DROSHA: variants seen among roughly 807,000 people sequenced by gnomAD.
DROSHA encodes drosha ribonuclease III.
Under a neutral mutation model 181.9 loss-of-function variants are expected in DROSHA, and 56 were observed. The ratio of observed to expected loss-of-function variants is 0.31; its 90% CI spans 0.25 to 0.38. DROSHA has a LOEUF of 0.38. Ranked by LOEUF, DROSHA falls within the 10% of genes least tolerant of loss-of-function variation. DROSHA has a pLI of 1.00. For synonymous variants in DROSHA, 524 were observed against 591.2 expected (o/e 0.89, Z 1.65); for missense variants, 1,218 against 1,743.5 (o/e 0.70, Z 5.37).
intron 20 of DROSHA, among the ~76,000 whole-genome samples, chr5:31,463,861 G>A (rs891585588): frequency 1.3e-5 from 2 of 152,000 alleles, no homozygotes; most frequent in Admixed American, 6.6e-5. Flanking sequence ...TACACTTTAC[G>A]AGTCTGCTTG....
intron 8 of DROSHA, among the ~76,000 whole-genome samples, chr5:31,513,404 T>C (rs1293264764): frequency 6.6e-6 from 1 of 152,206 alleles, no homozygotes; most frequent in Non-Finnish European, 1.5e-5. Flanking sequence ...CAGGTGTTAT[T>C]ACTCCTAGCA....
intron 35 of DROSHA, among the ~76,000 whole-genome samples, chr5:31,403,757 C>T (rs1449843137): frequency 6.6e-6 from 1 of 152,184 alleles, no homozygotes; most frequent in Non-Finnish European, 1.5e-5. Flanking sequence ...TGGAGAATTG[C>T]GACAGAGATT....
At chr5:31,476,621 A>G (rs1454706018) in intron 16 of DROSHA, among the ~76,000 whole-genome samples, 3 of 152,186 alleles carry the variant, frequency 2.0e-5, no homozygotes, top group Non-Finnish European at 4.4e-5. Context: ...TTACCACTGT[A>G]AAAAAGTAGA....
At chr5:31,433,524 T>C (rs931559531) in intron 25 of DROSHA, among the ~76,000 whole-genome samples, 4 of 152,178 alleles carry the variant, frequency 2.6e-5, no homozygotes, top group Admixed American at 6.5e-5. Context: ...TTCTTATTTT[T>C]CCATGCACGC....
chr5:31,452,426 C>T (rs1040792283), intron 20 of DROSHA, among the ~76,000 whole-genome samples: 9 of 152,152 alleles, frequency 5.9e-5, no homozygotes, highest in African/African-American at 2.2e-4. Context: ...ATTTTTCCTT[C>T]AATCCCTTTT....
At chr5:31,524,458 G>A (rs10520985) in intron 5 of DROSHA, among the ~76,000 whole-genome samples, 58,827 of 152,050 alleles carry the variant, frequency 0.39, 12,822 homozygotes, top group Non-Finnish European at 0.5. Context: ...ACAAGACAAC[G>A]AAGGTAAGTA....
At chr5:31,412,474 C>A (rs1741430845) in intron 30 of DROSHA, among the ~76,000 whole-genome samples, 1 of 152,160 alleles carries the variant, frequency 6.6e-6, no homozygotes, top group Non-Finnish European at 1.5e-5. Context: ...ATGGTGTCAA[C>A]AGAGCTTATG....
chr5:31,486,949 G>A (rs958967920), intron 13 of DROSHA, among the ~76,000 whole-genome samples: 6 of 152,202 alleles, frequency 3.9e-5, no homozygotes, highest in Non-Finnish European at 8.8e-5. Flanking sequence ...ATCAGGGATA[G>A]TAGGGTGATA....
At chr5:31,479,683 G>T (rs561800201) in intron 16 of DROSHA, among the ~76,000 whole-genome samples, 105 of 151,652 alleles carry the variant, frequency 6.9e-4, no homozygotes, top group Non-Finnish European at 1.1e-3. Flanking sequence ...GAAGGTATTA[G>T]ATATATATAT....
At chr5:31,518,326 A>G (rs1269672608) in intron 6 of DROSHA, among the ~76,000 whole-genome samples, 1 of 152,192 alleles carries the variant, frequency 6.6e-6, no homozygotes, top group Admixed American at 6.5e-5. Flanking sequence ...TGTGAAGAAA[A>G]CTGGTATTTT....
At chr5:31,499,337 G>A (rs1753334841) in intron 11 of DROSHA, among the ~76,000 whole-genome samples, 1 of 152,088 alleles carries the variant, frequency 6.6e-6, no homozygotes, top group Non-Finnish European at 1.5e-5. Flanking sequence ...TGCTTCTAGA[G>A]AACCCAAGAT....
chr5:31,478,341 G>A (rs1428842386), intron 16 of DROSHA, among the ~76,000 whole-genome samples: 3 of 152,216 alleles, frequency 2.0e-5, no homozygotes, highest in South Asian at 2.1e-4. Flanking sequence ...AATGTTTTAC[G>A]AAAGTTTACG....
chr5:31,526,448 T>A lies in DROSHA; in HGVS notation c.485A>T (p.Gln162Leu). Residue 162 changes from glutamine (Q) to leucine (L), a missense_variant, in exon 5 of 36, where the codon CAG becomes CTG. Gln to Leu is a moderately radical substitution (Grantham distance 113). Around this residue, in one of 8 missense-constraint regions of DROSHA, gnomAD observed 536 missense variants for 535.4 expected, o/e 1.00. Transcript: ENST00000344624. ...CGGAGGGTACTGATAATTAACCTGC[T>A]GCGGCATGACTGGAGGGGGCGGGGG... ...PHPPPPPVMP[Q>L]QVNYQYPPGY... 1 of 1,575,824 alleles carries A rather than the reference T, an allele frequency of 6.3e-7. No homozygotes were observed. Among genetic ancestry groups the A allele is most frequent in the Non-Finnish European group, 8.6e-7 (1 of 1,159,364 alleles).
At chr5:31,493,953 G>A (rs1012772189) in intron 12 of DROSHA, among the ~76,000 whole-genome samples, 1 of 137,444 alleles carries the variant, frequency 7.3e-6, no homozygotes, top group African/African-American at 3.0e-5. Flanking sequence ...GTGTGTGTGT[G>A]TGTGTGTGTG....
At chr5:31,425,308 ATATCT>A (rs778783395) in intron 27 of DROSHA, among the ~76,000 whole-genome samples, 7 of 152,218 alleles carry the variant, frequency 4.6e-5, no homozygotes, top group Non-Finnish European at 1.0e-4. Flanking sequence ...TGCACAACTG[ATATCT>A]TAATAAAATA....
chr5:31,529,220 T>A, intron 3 of DROSHA, 115 bp from the exon 4 acceptor site: 1 of 824,116 alleles, frequency 1.2e-6, no homozygotes, highest in Non-Finnish European at 1.9e-6. Flanking sequence ...ACACTTAGCC[T>A]ACAAACAAAA....
chr5:31,419,880 CA>C (rs1208437690), intron 30 of DROSHA, among the ~76,000 whole-genome samples: 1 of 152,032 alleles, frequency 6.6e-6, no homozygotes, highest in East Asian at 1.9e-4. Flanking sequence ...GTTCATTTCT[CA>C]AAAATGTTTA....
At chr5:31,446,562 T>G (rs1055114248) in intron 23 of DROSHA, among the ~76,000 whole-genome samples, 5 of 150,146 alleles carry the variant, frequency 3.3e-5, no homozygotes, top group African/African-American at 1.2e-4. Context: ...TATAAAACAT[T>G]ATTGAAAAAA....
At chr5:31,517,128 A>G (rs1739353244) in intron 6 of DROSHA, among the ~76,000 whole-genome samples, 1 of 152,208 alleles carries the variant, frequency 6.6e-6, no homozygotes, top group South Asian at 2.1e-4. Context: ...ATTGAAATGA[A>G]TATGTTTCAT....
Sources: gnomAD v4.1 joint callset for allele counts (sites outside exome capture counted in the v4.1 genomes callset) on GRCh38, gnomAD v4.1.1 for gene constraint, gnomAD v4.1.1 regional missense constraint, MANE v1.5 for transcripts, NCBI Gene and HGNC (gene_info 2026-07-23, HGNC 2026-07-21) for gene names.